Variants in IGBP1 observed in about 807,000 individuals in gnomAD.
IGBP1 encodes immunoglobulin binding protein 1, also known as immunoglobulin-binding protein 1.
IGBP1 carries 2 observed loss-of-function variants against 25.9 expected under a neutral mutation model. That is an observed-to-expected ratio of 0.08 (90% CI 0.03 to 0.24). The LOEUF (loss-of-function observed/expected upper bound fraction) is 0.24. IGBP1 is among the 10% of genes least tolerant of loss of function. The probability of loss-of-function intolerance (pLI) is 1.00; values close to 1 mark genes in which losing one functional copy is unlikely to be tolerated. For missense variants in IGBP1, 187 were observed against 260.4 expected, an observed-to-expected ratio of 0.72 and a Z score of 1.94; for synonymous variants, 96 against 93.4, an observed-to-expected ratio of 1.03 and a Z score of -0.16.
intron 4 of IGBP1, chrX:70,148,536 G>A: frequency 2.5e-6 from 1 of 396,169 alleles, no homozygotes; most frequent in East Asian, 4.4e-5. Context: ...CATGATTCCT[G>A]GGAGAACTTT....
intron 6 of IGBP1, among the ~76,000 whole-genome samples, chrX:70,154,620 G>A (rs372289011): frequency 4.3e-5 from 4 of 93,379 alleles, no homozygotes; most frequent in African/African-American, 1.2e-4. Context: ...GGCTCACACC[G>A]GTAATCCCAA....
At chrX:70,146,504 C>G (rs1291874826) in intron 3 of IGBP1, 129 bp from the exon 4 acceptor site, 1 of 545,319 alleles carries the variant, frequency 1.8e-6, no homozygotes, top group Non-Finnish European at 3.2e-6. Flanking sequence ...GAATCTATAT[C>G]CCTGCCAAGG....
chrX:70,138,464 G>C (rs1479214864), intron 3 of IGBP1, among the ~76,000 whole-genome samples: 1 of 87,425 alleles, frequency 1.1e-5, no homozygotes, highest in Non-Finnish European at 2.2e-5. Flanking sequence ...CTAGGTGACA[G>C]AGCGAGACCC....
In IGBP1 at chrX:70,134,150, A is replaced by AGTAATAATGGCTGAGAACGAAG; in HGVS notation, c.188+26_188+47dup. The AGTAATAATGGCTGAGAACGAAG allele has an allele frequency of 8.4e-7, 1 of 1,195,482 alleles. No individual in the cohort carries two copies. Among genetic ancestry groups the AGTAATAATGGCTGAGAACGAAG allele is most frequent in the Non-Finnish European group, 1.1e-6 (1 of 880,375 alleles). On this transcript the variant is annotated intron_variant, in intron 2 of 6. Coordinates refer to ENST00000356413, the MANE Select transcript of IGBP1 (RefSeq NM_001551.3). The stretch of plus-strand genomic sequence containing the variant: ...GACTTGTTCAGGTATGGGGGAAGAT[A>AGTAATAATGGCTGAGAACGAAG]GTAATAATGGCTGAGAACGAAGGTA...
chrX:70,148,591 G>C, intron 4 of IGBP1, 170 bp from the exon 5 acceptor site: 1 of 470,347 alleles, frequency 2.1e-6, no homozygotes, highest in Non-Finnish European at 3.8e-6. Context: ...CCTCAGGAGA[G>C]CTAAGGAATC....
At chrX:70,156,801 G>A (rs1230101843) in intron 6 of IGBP1, among the ~76,000 whole-genome samples, 2 of 110,969 alleles carry the variant, frequency 1.8e-5, no homozygotes, top group South Asian at 3.9e-4. Flanking sequence ...TTAGCCGGGC[G>A]TGGTGGCGGG....
intron 6 of IGBP1, among the ~76,000 whole-genome samples, chrX:70,154,153 GTTCACGCCA>G (rs1406771297): frequency 9.4e-6 from 1 of 106,201 alleles, no homozygotes; most frequent in Non-Finnish European, 1.9e-5. Context: ...CGCCTCCCGG[GTTCACGCCA>G]TTCACGCCAT....
chrX:70,155,150 A>G (rs1370973853), intron 6 of IGBP1, among the ~76,000 whole-genome samples: 5 of 112,249 alleles, frequency 4.5e-5, no homozygotes, highest in African/African-American at 1.6e-4. Context: ...GTCTAGCTGC[A>G]TGCTGTCTAT....
In IGBP1 at chrX:70,162,930, C is replaced by T. The variant is rs2085278390; in HGVS notation, c.872-2903C>T. On this transcript the variant is annotated intron_variant, in intron 6 of 6. Coordinates refer to ENST00000356413, the MANE Select transcript of IGBP1 (RefSeq NM_001551.3). ...CGGAGGTTGCAGTGAGCCAAGATCA[C>T]ACCACTGCACTCCAGCCTGGGTGAC... is the stretch of plus-strand genomic sequence containing the variant. Among the ~76,000 whole-genome samples the T allele has an allele frequency of 4.5e-5, 5 of 111,699 alleles. No individual in the cohort carries two copies. In the South Asian group the frequency reaches 1.9e-3, roughly 42 times the overall value.
At chrX:70,145,008 A>G (rs2085157239) in intron 3 of IGBP1, among the ~76,000 whole-genome samples, 1 of 107,446 alleles carries the variant, frequency 9.3e-6, no homozygotes, top group Non-Finnish European at 1.9e-5. Context: ...TGACAATTTG[A>G]TAAAATCTAT....
Position 70,152,472 on chromosome X carries a change from AAAAAC to A in IGBP1, c.871+2154_871+2158del, listed in dbSNP as rs961090623. On this transcript the variant is annotated intron_variant, in intron 6 of 6. Transcript: ENST00000356413. ...CAATCCTAAGCTATTAGACATGAAA[AAAAAC>A]AAACAGGAAAATGTGACTCATAACT... Among the ~76,000 whole-genome samples the A allele has an allele frequency of 2.7e-5, 3 of 112,364 alleles. No individual in the cohort carries two copies. In the East Asian group the frequency reaches 8.4e-4, roughly 31 times the overall value.
chrX:70,141,844 G>A, intron 3 of IGBP1, among the ~76,000 whole-genome samples: 1 of 110,159 alleles, frequency 9.1e-6, no homozygotes, highest in Non-Finnish European at 1.9e-5. Flanking sequence ...ACTCTGATGT[G>A]TGTTTTTCCA....
intron 4 of IGBP1, among the ~76,000 whole-genome samples, chrX:70,148,256 A>G (rs892490525): frequency 1.2e-4 from 13 of 111,963 alleles, no homozygotes; most frequent in African/African-American, 3.6e-4. Context: ...ATATACGTCT[A>G]TATGGAAACT....
chrX:70,151,206 C>A (rs1018429303), intron 6 of IGBP1, among the ~76,000 whole-genome samples: 2 of 111,687 alleles, frequency 1.8e-5, no homozygotes, highest in African/African-American at 6.5e-5. Context: ...GGTGATCGGC[C>A]CACCTCGGCC....
intron 3 of IGBP1, among the ~76,000 whole-genome samples, chrX:70,142,781 T>A (rs1364333205): frequency 2.7e-5 from 3 of 110,314 alleles, no homozygotes; most frequent in Non-Finnish European, 5.7e-5. Context: ...ATCACACCAC[T>A]GCACTCCAGC....
chrX:70,142,458 TAA>T (rs2085136361), intron 3 of IGBP1, among the ~76,000 whole-genome samples: 1 of 111,156 alleles, frequency 9.0e-6, no homozygotes. Flanking sequence ...GGATGATCAA[TAA>T]ATAGAGTGAG....
chrX:70,148,703 C>T lies in IGBP1; in HGVS notation c.679-58C>T, dbSNP rs188978240. ...TCAAGCACCTGAAGACTTAAGAGCC[C>T]GTATGGTATGTTGGGTAAAATGGCA... On this transcript the variant is annotated intron_variant, in intron 4 of 6. Coordinates refer to ENST00000356413, the MANE Select transcript of IGBP1 (RefSeq NM_001551.3). 3.3e-5 allele frequency: 26 copies of T among 789,957 alleles called. No homozygotes were observed. In the Admixed American group the frequency reaches 4.8e-4, roughly 15 times the overall value. The allele number at this position is 789,957 out of a possible 1,213,427, so 65.1% of individuals were successfully genotyped here. A position where few individuals can be genotyped will look rare whatever the true frequency, so the allele number is the denominator to read the frequency against.
At chrX:70,142,818 A>G (rs922430332) in intron 3 of IGBP1, among the ~76,000 whole-genome samples, 1 of 109,961 alleles carries the variant, frequency 9.1e-6, no homozygotes, top group African/African-American at 3.3e-5. Context: ...GACCAAAACA[A>G]AAAAAACACA....
intron 3 of IGBP1, among the ~76,000 whole-genome samples, chrX:70,145,009 T>C (rs1490153230): frequency 9.5e-6 from 1 of 105,457 alleles, no homozygotes; most frequent in Non-Finnish European, 1.9e-5. Flanking sequence ...GACAATTTGA[T>C]AAAATCTATA....
Sources: gnomAD v4.1 joint callset for allele counts (sites outside exome capture counted in the v4.1 genomes callset) on GRCh38, gnomAD v4.1.1 for gene constraint, MANE v1.5 for transcripts, NCBI Gene and HGNC (gene_info 2026-07-23, HGNC 2026-07-21) for gene names.